Variants in KALRN observed in about 807,000 individuals in gnomAD.
The protein encoded by KALRN is kalirin.
Under a neutral mutation model 353.7 loss-of-function variants are expected in KALRN, and 70 were observed. The observed-to-expected ratio is 0.20, with a 90% CI of 0.16 to 0.24. KALRN has a LOEUF of 0.24. KALRN is among the 10% of genes least tolerant of loss of function. KALRN has a pLI of 1.00. For synonymous variants in KALRN, 1,391 were observed against 1,434.8 expected, an observed-to-expected ratio of 0.97 and a Z score of 0.69; for missense variants, 2,791 against 3,756.7, an observed-to-expected ratio of 0.74 and a Z score of 6.72.
At chr3:124,304,976 C>T (rs1194784870) in intron 6 of KALRN, among the ~76,000 whole-genome samples, 1 of 152,108 alleles carries the variant, frequency 6.6e-6, no homozygotes, top group Non-Finnish European at 1.5e-5. Context: ...GTGCCAGGGC[C>T]CCAATCACCC....
chr3:124,648,099 A>G (rs897077496), intron 37 of KALRN, among the ~76,000 whole-genome samples: 1 of 152,224 alleles, frequency 6.6e-6, no homozygotes, highest in African/African-American at 2.4e-5. Context: ...AGCAGAACAG[A>G]GAATTTTAGG....
chr3:124,624,156 C>G (rs1302205978), intron 34 of KALRN, among the ~76,000 whole-genome samples: 1 of 152,150 alleles, frequency 6.6e-6, no homozygotes, highest in Non-Finnish European at 1.5e-5. Context: ...TGAATCATTC[C>G]TTTGTCCAGC....
intron 1 of KALRN, among the ~76,000 whole-genome samples, chr3:124,136,144 C>A (rs1295647924): frequency 1.3e-5 from 2 of 152,066 alleles, no homozygotes; most frequent in East Asian, 3.9e-4. Context: ...TTTAAAAGCT[C>A]CCCAGCTTAT....
chr3:124,176,420 A>G (rs1342065259), intron 1 of KALRN, among the ~76,000 whole-genome samples: 2 of 152,168 alleles, frequency 1.3e-5, no homozygotes, highest in Admixed American at 6.5e-5. Context: ...CTGCCACCCA[A>G]CTGTGGCCAT....
intron 6 of KALRN, among the ~76,000 whole-genome samples, chr3:124,311,430 A>C (rs1216508332): frequency 6.6e-6 from 1 of 150,752 alleles, no homozygotes; most frequent in Non-Finnish European, 1.5e-5. Context: ...ACCACTCTGC[A>C]CTCCAGCCTG....
At chr3:124,710,497 C>A (rs1331381252) in intron 57 of KALRN, among the ~76,000 whole-genome samples, 1 of 152,086 alleles carries the variant, frequency 6.6e-6, no homozygotes, top group East Asian at 1.9e-4. Flanking sequence ...TATTAAACTG[C>A]CTCTCAGGCC....
intron 1 of KALRN, among the ~76,000 whole-genome samples, chr3:124,183,783 C>T (rs1560171484): frequency 6.6e-6 from 1 of 152,158 alleles, no homozygotes. Flanking sequence ...TATGGCAGTC[C>T]TAGCAAACTA....
At chr3:124,622,025 T>G (rs1447337354) in intron 34 of KALRN, among the ~76,000 whole-genome samples, 1 of 152,250 alleles carries the variant, frequency 6.6e-6, no homozygotes, top group Non-Finnish European at 1.5e-5. Flanking sequence ...TTTCTATAAT[T>G]TTTATATTAG....
intron 34 of KALRN, among the ~76,000 whole-genome samples, chr3:124,579,645 G>A (rs1211844677): frequency 6.6e-6 from 1 of 152,130 alleles, no homozygotes; most frequent in Non-Finnish European, 1.5e-5. Flanking sequence ...GATATCATGG[G>A]AAACCTACCT....
intron 1 of KALRN, among the ~76,000 whole-genome samples, chr3:124,157,816 C>G (rs1277479015): frequency 6.6e-6 from 1 of 152,124 alleles, no homozygotes; most frequent in South Asian, 2.1e-4. Flanking sequence ...GTCTTTTCTT[C>G]CCTTTTGTCT....
At chr3:124,637,586 G>T (rs1428540457) in intron 37 of KALRN, among the ~76,000 whole-genome samples, 3 of 152,180 alleles carry the variant, frequency 2.0e-5, no homozygotes, top group Non-Finnish European at 4.4e-5. Context: ...CGGCCCACAG[G>T]CAAGTGGCAT....
chr3:124,286,030 A>G (rs544422279), intron 5 of KALRN, among the ~76,000 whole-genome samples: 24 of 138,332 alleles, frequency 1.7e-4, no homozygotes, highest in African/African-American at 6.2e-4. Flanking sequence ...CTGTGCTTCT[A>G]TTTGCTTTTC....
At chr3:124,139,586 G>C (rs1488620726) in intron 1 of KALRN, among the ~76,000 whole-genome samples, 1 of 152,148 alleles carries the variant, frequency 6.6e-6, no homozygotes, top group African/African-American at 2.4e-5. Flanking sequence ...AGAGGAGAGA[G>C]GCAGAGCCTT....
At chr3:124,145,667 A>G (rs1410017684) in intron 1 of KALRN, among the ~76,000 whole-genome samples, 1 of 152,260 alleles carries the variant, frequency 6.6e-6, no homozygotes, top group African/African-American at 2.4e-5. Flanking sequence ...CACAGAGATG[A>G]GGCTAACAGT....
intron 13 of KALRN, among the ~76,000 whole-genome samples, chr3:124,401,612 A>G (rs913979032): frequency 5.9e-5 from 9 of 152,242 alleles, no homozygotes; most frequent in Non-Finnish European, 1.3e-4. Flanking sequence ...CCTGGTATGC[A>G]GGAGAGCAAG....
intron 5 of KALRN, among the ~76,000 whole-genome samples, chr3:124,286,127 C>CTTTCTTTCTT (rs2075860693): frequency 2.1e-5 from 3 of 144,268 alleles, no homozygotes; most frequent in Non-Finnish European, 4.5e-5. Flanking sequence ...TTCTTTCTTT[C>CTTTCTTTCTT]TTTCTTTCTT....
chr3:124,048,285 C>T (rs1353247591), intron 1 of KALRN, among the ~76,000 whole-genome samples: 2 of 152,146 alleles, frequency 1.3e-5, no homozygotes, highest in Admixed American at 6.5e-5. Context: ...AGTGAATACT[C>T]TTTCTCTCTC....
At chr3:124,589,934 C>G (rs2254141) in intron 34 of KALRN, among the ~76,000 whole-genome samples, 53,031 of 152,026 alleles carry the variant, frequency 0.35, 9,634 homozygotes, top group East Asian at 0.5. Flanking sequence ...TGTGGATACA[C>G]AGGGCCTACT....
At chr3:124,402,407 G>A (rs1217937463) in intron 13 of KALRN, among the ~76,000 whole-genome samples, 1 of 152,022 alleles carries the variant, frequency 6.6e-6, no homozygotes, top group Non-Finnish European at 1.5e-5. Flanking sequence ...TTTCCTTTAG[G>A]TTCAGCCTCC....
Sources: allele counts gnomAD v4.1 joint callset (sites outside exome capture counted in the v4.1 genomes callset), GRCh38; gene constraint gnomAD v4.1.1; transcripts MANE v1.5; gene names NCBI Gene and HGNC (gene_info 2026-07-23, HGNC 2026-07-21).